The following EVC2 variants were observed in gnomAD, a reference collection of about 807,000 sequenced individuals.
EVC2 encodes limbin.
In EVC2, 148 loss-of-function variants were observed where a neutral mutation model predicts 149.3. That is an observed-to-expected ratio of 0.99 (90% CI 0.87 to 1.14). EVC2 has a LOEUF of 1.14. Among genes scored for constraint, EVC2 ranks in the 50% most tolerant of loss-of-function variants. The pLI is 0.00. For missense variants in EVC2, 1,854 were observed against 1,627.3 expected (o/e 1.14, Z -2.40); for synonymous variants, 776 against 649.9 (o/e 1.19, Z -2.95).
chr4:5,684,072 T>A (rs1720531513), intron 6 of EVC2, among the ~76,000 whole-genome samples: 1 of 152,206 alleles, frequency 6.6e-6, no homozygotes. Flanking sequence ...TTATCATTAC[T>A]TTACCTTATC....
At chr4:5,609,540 T>A (rs80203008) in intron 16 of EVC2, among the ~76,000 whole-genome samples, 5,793 of 152,222 alleles carry the variant, frequency 0.038, 337 homozygotes, top group African/African-American at 0.13. Flanking sequence ...CCTTTCTTTG[T>A]GAGGCCTGGA....
At chr4:5,572,242 G>C (rs951268919) in intron 19 of EVC2, among the ~76,000 whole-genome samples, 1 of 152,146 alleles carries the variant, frequency 6.6e-6, no homozygotes, top group Non-Finnish European at 1.5e-5. Context: ...CAGAGCTTCC[G>C]GTCTGGCAGT....
intron 9 of EVC2, among the ~76,000 whole-genome samples, chr4:5,662,381 C>T (rs532137384): frequency 6.7e-6 from 1 of 149,642 alleles, no homozygotes; most frequent in Non-Finnish European, 1.5e-5. Flanking sequence ...ACACGCATAT[C>T]CCTAAACTTA....
chr4:5,564,080 C>T (rs770413707), intron 21 of EVC2, among the ~76,000 whole-genome samples: 2 of 152,118 alleles, frequency 1.3e-5, no homozygotes, highest in South Asian at 4.1e-4. Context: ...TGGGGATGCA[C>T]CTGCTGCATG....
chr4:5,683,888 A>G (rs1313025540), intron 6 of EVC2, among the ~76,000 whole-genome samples: 1 of 151,392 alleles, frequency 6.6e-6, no homozygotes, highest in Non-Finnish European at 1.5e-5. Flanking sequence ...GGGAACACAC[A>G]CAGCTACACG....
intron 10 of EVC2, among the ~76,000 whole-genome samples, chr4:5,632,469 T>A (rs1716617808): frequency 6.6e-6 from 1 of 152,184 alleles, no homozygotes; most frequent in Non-Finnish European, 1.5e-5. Context: ...TCTAGAATAA[T>A]CTCAAAGCAG....
chr4:5,681,454 C>T, intron 6 of EVC2, 141 bp from the exon 7 acceptor site: 1 of 853,096 alleles, frequency 1.2e-6, no homozygotes. Context: ...TTGTGAAGGT[C>T]TCACCATCAG....
At chr4:5,543,142 A>G in exon 22 of EVC2, 2 of 1,289,808 alleles carry the variant, frequency 1.6e-6, no homozygotes, top group Non-Finnish European at 2.0e-6. Flanking sequence ...CATTTTTCAG[A>G]CATCCACTCA....
At chr4:5,683,919 G>A (rs73798117) in intron 6 of EVC2, among the ~76,000 whole-genome samples, 18,540 of 150,400 alleles carry the variant, frequency 0.12, 1,636 homozygotes, top group African/African-American at 0.25. Context: ...CAGCTGCCCG[G>A]GAACACACAC....
At chr4:5,584,918 C>A (rs980797305) in intron 16 of EVC2, 68 bp from the exon 17 acceptor site, 1 of 1,543,268 alleles carries the variant, frequency 6.5e-7, no homozygotes, top group African/African-American at 1.4e-5. Flanking sequence ...GGAGAACAAA[C>A]AGCCTTTCAG....
intron 16 of EVC2, among the ~76,000 whole-genome samples, chr4:5,587,329 T>A (rs1262321130): frequency 1.3e-5 from 2 of 152,210 alleles, no homozygotes; most frequent in Admixed American, 1.3e-4. Context: ...ATTTTCCTTA[T>A]TCCGGATATT....
intron 17 of EVC2, 132 bp downstream of exon 17, chr4:5,584,491 G>A (rs1330432538): frequency 1.2e-5 from 11 of 930,490 alleles, no homozygotes; most frequent in Admixed American, 4.0e-5. Context: ...ATGTCACTTC[G>A]TTTAATCCTC....
chr4:5,576,930 A>G lies in EVC2; in HGVS notation c.3058-476T>C, dbSNP rs981255786. 1.3e-5 allele frequency among the ~76,000 whole-genome samples: 2 copies of G among 152,164 alleles called. No individual in the cohort carries two copies. The highest frequency in any genetic ancestry group is 6.5e-5 in the Admixed American group (1 of 15,288). On this transcript the variant is annotated intron_variant, in intron 17 of 21. Transcript: ENST00000344408. The surrounding 1 kb of genome is among the most constrained non-coding windows in gnomAD (Gnocchi z 4.5). The stretch of plus-strand genomic sequence containing the variant: ...CTGTGTCTCCTTCTCCCTGCCTGCA[A>G]AGTGCCTGGTGGCTGGCACCTGTCA...
intron 16 of EVC2, among the ~76,000 whole-genome samples, chr4:5,589,616 A>G (rs1338776364): frequency 1.3e-5 from 2 of 152,134 alleles, no homozygotes; most frequent in Non-Finnish European, 2.9e-5. Context: ...CTCAGCCTGG[A>G]AACCCTTTTA....
Position 5,562,636 on chromosome 4 carries a change from G to A in EVC2, c.*212C>T, listed in dbSNP as rs1722024806. 4.2e-6 allele frequency: 6 copies of A among 1,436,304 alleles called. No individual in the cohort carries two copies. The highest frequency in any genetic ancestry group is 4.5e-6 in the Non-Finnish European group (5 of 1,100,364). 89.0% of individuals were successfully genotyped at this position (1,436,304 alleles called of 1,614,324 possible). ...TGGGGCTGAAAGAAGGAGTGTTTAT[G>A]TCCTTGTGATATGGAAGAGAGTGGG... is the stretch of plus-strand genomic sequence containing the variant. On this transcript the variant is annotated 3_prime_UTR_variant, in exon 22 of 22. Coordinates refer to ENST00000344408, the MANE Select transcript of EVC2 (RefSeq NM_147127.5). This position sits in a 1 kb window ranked among gnomAD's most constrained non-coding sequence, Gnocchi z 4.3.
chr4:5,625,715 A>G lies in EVC2; in HGVS notation c.2046+34T>C, dbSNP rs757514326. ...ACTTGATGGGTATCAGAAAGTGCCT[A>G]TGCAAAGAATAAATAGCATCATGCC... On this transcript the variant is annotated intron_variant, in intron 13 of 21. Transcript: ENST00000344408. The surrounding 1 kb of genome is among the most constrained non-coding windows in gnomAD (Gnocchi z 4.0). The G allele has an allele frequency of 5.0e-6, 8 of 1,613,712 alleles. No homozygotes were observed. Among genetic ancestry groups the G allele is most frequent in the Non-Finnish European group, 6.8e-6 (8 of 1,179,974 alleles).
In EVC2 at chr4:5,599,102, A is replaced by G. The variant is rs1023378503; in HGVS notation, c.2830-14252T>C. ...GCTGGAGAGGATGTGGAGAAATAGG[A>G]ACACTTTTACACTGTTGGTGGGACT... On this transcript the variant is annotated intron_variant, in intron 16 of 21. Coordinates refer to ENST00000344408, the MANE Select transcript of EVC2 (RefSeq NM_147127.5). 2.1e-3 allele frequency among the ~76,000 whole-genome samples: 315 copies of G among 152,112 alleles called. 2 individuals carry two copies. Among genetic ancestry groups the G allele is most frequent in the African/African-American group, 7.3e-3 (302 of 41,424 alleles).
chr4:5,582,832 T>C (rs541164937), intron 17 of EVC2, among the ~76,000 whole-genome samples: 28 of 152,220 alleles, frequency 1.8e-4, no homozygotes, highest in African/African-American at 5.8e-4. Context: ...GGAGTTATTA[T>C]GAGATCTGGT....
intron 20 of EVC2, among the ~76,000 whole-genome samples, chr4:5,565,999 T>C (rs1197972361): frequency 1.3e-5 from 2 of 152,206 alleles, no homozygotes; most frequent in Non-Finnish European, 2.9e-5. Flanking sequence ...CCCACTGGGA[T>C]GAATGCTCTA....
Sources: gnomAD v4.1 joint callset for allele counts (sites outside exome capture counted in the v4.1 genomes callset) on GRCh38, gnomAD v4.1.1 for gene constraint, Gnocchi (gnomAD v3.1) non-coding constraint, MANE v1.5 for transcripts, NCBI Gene and HGNC (gene_info 2026-07-23, HGNC 2026-07-21) for gene names.